The following PLA2G4F variants were observed in gnomAD, a reference collection of about 807,000 sequenced individuals.
PLA2G4F encodes cytosolic phospholipase A2 zeta.
In PLA2G4F, 105 loss-of-function variants were observed where a neutral mutation model predicts 103.1. The observed-to-expected ratio is 1.02, with a 90% CI of 0.87 to 1.20. The LOEUF (loss-of-function observed/expected upper bound fraction) is 1.20, where lower values mean the gene tolerates loss of function less well. Among genes scored for constraint, PLA2G4F ranks in the 50% most tolerant of loss-of-function variants. PLA2G4F has a pLI of 0.00. For synonymous variants in PLA2G4F, 468 were observed against 441.1 expected (o/e 1.06, Z -0.76); for missense variants, 1,155 against 1,075.9 (o/e 1.07, Z -1.03).
intron 1 of PLA2G4F, 130 bp downstream of exon 1, chr15:42,156,309 G>T: frequency 7.8e-6 from 5 of 644,506 alleles, no homozygotes; most frequent in Non-Finnish European, 8.0e-6. Context: ...GCTCTGCCAG[G>T]TCATCTAGAA....
chr15:42,149,688 G>A (rs1184354335), intron 11 of PLA2G4F, 25 bp downstream of exon 11: 2 of 1,613,684 alleles, frequency 1.2e-6, no homozygotes, highest in East Asian at 2.2e-5. Flanking sequence ...AGGCTCTGGG[G>A]TCCAGCTCCT....
At chr15:42,154,833 C>T (rs549876011) in intron 2 of PLA2G4F, among the ~76,000 whole-genome samples, 276 of 152,178 alleles carry the variant, frequency 1.8e-3, no homozygotes, top group Non-Finnish European at 3.4e-3. Context: ...TCACCCAGGG[C>T]GGCACTCCCA....
chr15:42,148,209 C>A (rs2048915217), intron 11 of PLA2G4F, among the ~76,000 whole-genome samples: 1 of 152,000 alleles, frequency 6.6e-6, no homozygotes, highest in East Asian at 1.9e-4. Flanking sequence ...AGAGAGAACC[C>A]CATTTTCCAG....
intron 1 of PLA2G4F, 149 bp from the exon 2 acceptor site, chr15:42,155,738 C>T (rs1359136449): frequency 2.7e-6 from 2 of 733,412 alleles, no homozygotes; most frequent in Non-Finnish European, 4.6e-6. Flanking sequence ...TGGCGGGTCC[C>T]AGGCATTGGG....
chr15:42,141,404 G>A lies in PLA2G4F; in HGVS notation c.*580C>T, dbSNP rs1356943039. The A allele has an allele frequency of 1.1e-5, 5 of 455,734 alleles. No homozygotes were observed. Among genetic ancestry groups the A allele is most frequent in the Non-Finnish European group, 2.2e-5 (5 of 226,530 alleles). The allele number at this position is 455,734 out of a possible 1,614,324, so 28.2% of individuals were successfully genotyped here. A position where few individuals can be genotyped will look rare whatever the true frequency, so the allele number is the denominator to read the frequency against. On this transcript the variant is annotated 3_prime_UTR_variant, in exon 20 of 20. Coordinates refer to ENST00000397272, the MANE Select transcript of PLA2G4F (RefSeq NM_213600.4). ...AGAAGGGTGATCTGGGAGGAGGCAC[G>A]AGGAGACCAGAAGGCAGAAGGAGGG...
In PLA2G4F at chr15:42,156,525, A is replaced by G; in HGVS notation, c.25T>C (p.Trp9Arg). 6.4e-7 allele frequency: 1 copy of G among 1,553,810 alleles called. No homozygotes were observed. Among genetic ancestry groups the G allele is most frequent in the African/African-American group, 1.4e-5 (1 of 73,358 alleles). Reference sequence around the variant, plus strand: ...AGGGGCAGCATCTTGTCTGCCAGCCACCTTGGCCAGAGTGCCCAAAGCATG... The same window carrying G: ...AGGGGCAGCATCTTGTCTGCCAGCCGCCTTGGCCAGAGTGCCCAAAGCATG... MLWALWPR[W>R]LADKMLPLLG... The change falls in exon 1 of 20, where the codon TGG (tryptophan) becomes CGG (arginine). Residue 9 changes from tryptophan (W) to arginine (R), a missense_variant. By Grantham distance (101) the Trp-to-Arg change is moderately radical (BLOSUM62 -3). This residue lies in a region of PLA2G4F where 370 missense variants were observed against 364.9 expected (regional missense o/e 1.01). Coordinates refer to ENST00000397272, the MANE Select transcript of PLA2G4F (RefSeq NM_213600.4).
intron 1 of PLA2G4F, among the ~76,000 whole-genome samples, chr15:42,156,172 G>A (rs940584148): frequency 6.6e-6 from 1 of 152,132 alleles, no homozygotes; most frequent in Non-Finnish European, 1.5e-5. Flanking sequence ...CACCAGCTCC[G>A]TGGACTCTAC....
chr15:42,146,167 A>G lies in PLA2G4F; in HGVS notation c.1494T>C (p.Ser498=), dbSNP rs763917404. 1.9e-6 allele frequency: 3 copies of G among 1,614,070 alleles called. No individual in the cohort carries two copies. Among genetic ancestry groups the G allele is most frequent in the Non-Finnish European group, 2.5e-6 (3 of 1,180,032 alleles). Residue 498 remains serine, a synonymous_variant, in exon 14 of 20, where the codon AGT becomes AGC. Coordinates refer to ENST00000397272, the MANE Select transcript of PLA2G4F (RefSeq NM_213600.4). ...QGQNPYPIYT[S]VNVRTNLSGE... is the part of the protein sequence containing the mutation. ...CACTCAAGTTGGTGCGGACGTTGAC[A>G]CTGGTGTAAATGGGGTAAGGGTTCT... is the stretch of plus-strand genomic sequence containing the variant.
In PLA2G4F at chr15:42,145,756, C is replaced by T. The variant is rs1377541377; in HGVS notation, c.1672+10G>A. ...ACCTGCCTGTCCCCAGCCCTCCAGC[C>T]TCGACTCACCTTGCAGGTAACAGAT... On this transcript the variant is annotated intron_variant, in intron 15 of 19. Coordinates refer to ENST00000397272, the MANE Select transcript of PLA2G4F (RefSeq NM_213600.4). 2 of 1,614,070 alleles carry T rather than the reference C, an allele frequency of 1.2e-6. No homozygotes were observed. Among genetic ancestry groups the T allele is most frequent in the Admixed American group, 1.7e-5 (1 of 60,032 alleles).
chr15:42,152,108 A>G (rs1291148805), intron 7 of PLA2G4F, among the ~76,000 whole-genome samples: 1 of 152,060 alleles, frequency 6.6e-6, no homozygotes, highest in Non-Finnish European at 1.5e-5. Context: ...GGGTTTGACA[A>G]CCCCAGTTCT....
rs148889218 is a variant in PLA2G4F at position 42,144,128 on chromosome 15, G to C, written c.1992C>G (p.Ala664=). Residue 664 remains alanine, a synonymous_variant, in exon 18 of 20, where the codon GCC becomes GCG. Coordinates refer to ENST00000397272, the MANE Select transcript of PLA2G4F (RefSeq NM_213600.4). ...GCATGGGGGTGAGCTGGTTGGGGAAGGCGTCCGGGTGTGTGTCTGCAAGGA... is the reference window on the plus strand; with the variant it reads ...GCATGGGGGTGAGCTGGTTGGGGAACGCGTCCGGGTGTGTGTCTGCAAGGA... The part of the protein sequence containing the change: ...FVAWKDTHPD[A]FPNQLTPMRD... 6.8e-5 allele frequency: 110 copies of C among 1,611,552 alleles called. No homozygotes were observed. In the African/African-American group the frequency reaches 1.3e-3, roughly 20 times the overall value.
rs952603691 is a variant in PLA2G4F at position 42,142,397 on chromosome 15, C to T, written c.2329+131G>A. On this transcript the variant is annotated intron_variant, in intron 19 of 19. Transcript: ENST00000397272. ...ACGCTGAGACCCAGGGAGCAGAGGG[C>T]CACAGGGGCCAGCTCAGGCCCACCA... 10 of 1,244,834 alleles carry T rather than the reference C, an allele frequency of 8.0e-6. No individual in the cohort carries two copies. The African/African-American group carries it at 9.1e-5, about 11-fold the overall frequency. The allele number at this position is 1,244,834 out of a possible 1,614,324, so 77.1% of individuals were successfully genotyped here.
In PLA2G4F at chr15:42,150,128, G is replaced by A. The variant is rs769339201; in HGVS notation, c.899C>T (p.Ala300Val). ...SVALGEGQEV[A>V]LSMKVEMSSG... ...CCTCATTTCCACCTTCATGCTCAGAGCCACCTCCTGGCCCTGAAAGACACA... is the reference window on the plus strand; with the variant it reads ...CCTCATTTCCACCTTCATGCTCAGAACCACCTCCTGGCCCTGAAAGACACA... Residue 300 changes from alanine (A) to valine (V), a missense_variant, in exon 10 of 20, where the codon GCT becomes GTT. By Grantham distance (64) the Ala-to-Val change is moderately conservative (BLOSUM62 0). Transcript: ENST00000397272. The A allele has an allele frequency of 7.4e-6, 12 of 1,614,050 alleles. No individual in the cohort carries two copies. The South Asian group carries it at 1.2e-4, about 16-fold the overall frequency.
Position 42,153,357 on chromosome 15 carries a change from G to T in PLA2G4F, c.492-15C>A. The T allele has an allele frequency of 6.2e-7, 1 of 1,612,884 alleles. No homozygotes were observed. The highest frequency in any genetic ancestry group is 8.5e-7 in the Non-Finnish European group (1 of 1,178,954). Reference sequence around the variant, plus strand: ...CAGGCACCTGGCTGCAAAGGATGAGGAATACATGGAGAATACATCTGGCCC... The same window carrying T: ...CAGGCACCTGGCTGCAAAGGATGAGTAATACATGGAGAATACATCTGGCCC... On this transcript the variant is annotated splice_polypyrimidine_tract_variant and intron_variant, in intron 5 of 19. Coordinates refer to ENST00000397272, the MANE Select transcript of PLA2G4F (RefSeq NM_213600.4).
chr15:42,146,145 T>C lies in PLA2G4F; in HGVS notation c.1516A>G (p.Ser506Gly). The C allele has an allele frequency of 6.2e-7, 1 of 1,614,052 alleles. No homozygotes were observed. Residue 506 changes from serine to glycine, a missense_variant, in exon 14 of 20, where the codon AGT becomes GGT. Physicochemically the swap from Ser to Gly is moderately conservative, Grantham distance 56. This residue lies in a region of PLA2G4F where 782 missense variants were observed against 692.9 expected (regional missense o/e 1.13). Transcript: ENST00000397272. ...CAGGCACCTGCAAAATCTTCCCCAC[T>C]CAAGTTGGTGCGGACGTTGACACTG... Reference protein sequence around the residue: ...YTSVNVRTNLSGEDFAEWCEF... With the variant: ...YTSVNVRTNLGGEDFAEWCEF...
In PLA2G4F at chr15:42,154,173, G is replaced by T; in HGVS notation, c.369C>A (p.Asp123Glu). ...TLYDKDILGS[D>E]QLSLLLFDLR... ...GGTCAAACAGGAGCAGAGAGAGCTG[G>T]TCGCTGCCCAGGATGTCCTTGTCAT... The change falls in exon 4 of 20, where the codon GAC becomes GAA. Residue 123 changes from aspartate (D) to glutamate (E), a missense_variant. Coordinates refer to ENST00000397272, the MANE Select transcript of PLA2G4F (RefSeq NM_213600.4). 6.2e-7 allele frequency: 1 copy of T among 1,614,244 alleles called. No individual in the cohort carries two copies. The highest frequency in any genetic ancestry group is 2.2e-5 in the East Asian group (1 of 44,880).
intron 2 of PLA2G4F, among the ~76,000 whole-genome samples, chr15:42,154,973 A>T (rs1253062248): frequency 6.6e-6 from 1 of 151,906 alleles, no homozygotes; most frequent in Non-Finnish European, 1.5e-5. Context: ...ATGCACGCAC[A>T]CATGTGTAGT....
In PLA2G4F at chr15:42,145,895, C is replaced by T. The variant is rs200522198; in HGVS notation, c.1543G>A (p.Glu515Lys). 265 of 1,613,956 alleles carry T rather than the reference C, an allele frequency of 1.6e-4. No homozygotes were observed. In the East Asian group the frequency reaches 5.3e-3, roughly 32 times the overall value. Residue 515 changes from glutamate (E) to lysine (K), a missense_variant, in exon 15 of 20, where the codon GAG (glutamate) becomes AAG (lysine). Around this residue, in one of 3 missense-constraint regions of PLA2G4F, gnomAD observed 782 missense variants for 692.9 expected, o/e 1.13. Coordinates refer to ENST00000397272, the MANE Select transcript of PLA2G4F (RefSeq NM_213600.4). ...AAGCCAACCTCATAGGGCGTGAACTCGCACCACTCTAGGGGCCCGAGTGAA... is the reference window on the plus strand; with the variant it reads ...AAGCCAACCTCATAGGGCGTGAACTTGCACCACTCTAGGGGCCCGAGTGAA... ...LSGEDFAEWC[E>K]FTPYEVGFPK...
intron 16 of PLA2G4F, 91 bp from the exon 17 acceptor site, chr15:42,144,735 A>C: frequency 7.8e-7 from 1 of 1,282,526 alleles, no homozygotes. Flanking sequence ...CCTCCCCAAC[A>C]GTGAGCCCTC....
Sources: gnomAD v4.1 joint callset for allele counts (sites outside exome capture counted in the v4.1 genomes callset) on GRCh38, gnomAD v4.1.1 for gene constraint, gnomAD v4.1.1 regional missense constraint, MANE v1.5 for transcripts, NCBI Gene and HGNC (gene_info 2026-07-23, HGNC 2026-07-21) for gene names.